The following FAM118A variants were observed in gnomAD, a reference collection of about 807,000 sequenced individuals.
The protein encoded by FAM118A is protein FAM118A.
FAM118A carries 25 observed loss-of-function variants against 38.2 expected under a neutral mutation model. The ratio of observed to expected loss-of-function variants is 0.65; its 90% CI spans 0.48 to 0.91. The LOEUF is 0.91. Among genes scored for constraint, FAM118A ranks in the 40% least tolerant of loss-of-function variants. The pLI, the probability that FAM118A is intolerant of heterozygous loss-of-function variation, is 0.00. For missense variants in FAM118A, 425 were observed against 463.3 expected (o/e 0.92, Z 0.76); for synonymous variants, 178 against 184.1 (o/e 0.97, Z 0.27).
intron 1 of FAM118A, among the ~76,000 whole-genome samples, chr22:45,313,202 G>A (rs1985866575): frequency 6.6e-6 from 1 of 152,144 alleles, no homozygotes; most frequent in Non-Finnish European, 1.5e-5. Flanking sequence ...AAAGCTGTTG[G>A]AGGGGAGACA....
chr22:45,336,115 C>T (rs368075952), intron 7 of FAM118A, among the ~76,000 whole-genome samples: 1 of 152,144 alleles, frequency 6.6e-6, no homozygotes, highest in African/African-American at 2.4e-5. Flanking sequence ...TATTCCCATG[C>T]GAAAGGACAT....
intron 5 of FAM118A, among the ~76,000 whole-genome samples, chr22:45,331,657 C>T (rs2146692986): frequency 6.6e-6 from 1 of 152,344 alleles, no homozygotes; most frequent in Non-Finnish European, 1.5e-5. Flanking sequence ...CCCTGTTCCT[C>T]AGTGCTCATC....
At chr22:45,314,609 G>T (rs1262426045) in intron 1 of FAM118A, among the ~76,000 whole-genome samples, 1 of 152,198 alleles carries the variant, frequency 6.6e-6, no homozygotes, top group African/African-American at 2.4e-5. Context: ...TTAAGATCCT[G>T]CCCGCTCTGA....
intron 7 of FAM118A, among the ~76,000 whole-genome samples, chr22:45,335,883 T>C (rs1248873148): frequency 1.3e-5 from 2 of 152,242 alleles, no homozygotes; most frequent in African/African-American, 4.8e-5. Context: ...CTCCTGTGTG[T>C]GCGCTGGGCA....
intron 8 of FAM118A, among the ~76,000 whole-genome samples, chr22:45,336,726 A>T (rs1602001907): frequency 1.3e-5 from 2 of 152,360 alleles, no homozygotes; most frequent in East Asian, 1.9e-4. Flanking sequence ...TAAAAAGTGC[A>T]CAAGTTACAT....
intron 6 of FAM118A, among the ~76,000 whole-genome samples, chr22:45,334,069 TACTTC>T (rs1289162569): frequency 6.6e-6 from 1 of 152,192 alleles, no homozygotes; most frequent in Non-Finnish European, 1.5e-5. Flanking sequence ...ATGAACACTT[TACTTC>T]TTTTTTCACG....
chr22:45,328,650 A>C, intron 4 of FAM118A: 3 of 578,800 alleles, frequency 5.2e-6, no homozygotes, highest in Non-Finnish European at 9.3e-6. Context: ...AAAAAGTAAT[A>C]ATGGAAAGTG....
At chr22:45,310,906 T>C (rs1361512862) in intron 1 of FAM118A, among the ~76,000 whole-genome samples, 4 of 152,190 alleles carry the variant, frequency 2.6e-5, no homozygotes, top group Non-Finnish European at 4.4e-5. Context: ...CTTAATTTTT[T>C]CATTCAAGGA....
chr22:45,310,353 G>T, intron 1 of FAM118A, among the ~76,000 whole-genome samples, 170 bp downstream of exon 1: 1 of 147,916 alleles, frequency 6.8e-6, no homozygotes, highest in Non-Finnish European at 1.5e-5. Flanking sequence ...CTCCAGGCCC[G>T]CGAACCCCGA....
intron 7 of FAM118A, 84 bp downstream of exon 7, chr22:45,335,466 G>C (rs879153712): frequency 2.0e-6 from 3 of 1,511,820 alleles, no homozygotes; most frequent in African/African-American, 1.4e-5. Context: ...AATCATAAAC[G>C]TTTGTTTTTC....
At chr22:45,330,520 A>G (rs1185497720) in intron 4 of FAM118A, 83 bp from the exon 5 acceptor site, 4 of 1,384,030 alleles carry the variant, frequency 2.9e-6, no homozygotes, top group East Asian at 2.6e-5. Flanking sequence ...TTTAAAAACT[A>G]TGAATCCATT....
intron 1 of FAM118A, among the ~76,000 whole-genome samples, chr22:45,312,603 GGCTGAGGTTGCAATGA>G (rs762235144): frequency 3.3e-5 from 5 of 152,306 alleles, no homozygotes; most frequent in Non-Finnish European, 7.3e-5. Context: ...GAACCCGGAA[GGCTGAGGTTGCAATGA>G]GCTGAGATTT....
chr22:45,316,954 T>C lies in FAM118A; in HGVS notation c.-9-5417T>C, dbSNP rs151016096. On this transcript the variant is annotated intron_variant, in intron 1 of 8. Transcript: ENST00000441876. Reference sequence around the variant, plus strand: ...TGACACCACTCACTCCTGTGTGAGATGGATGTAGTTTGAGCTTATGTTTAC... The same window carrying C: ...TGACACCACTCACTCCTGTGTGAGACGGATGTAGTTTGAGCTTATGTTTAC... Among the ~76,000 whole-genome samples the C allele has an allele frequency of 7.9e-5, 12 of 152,364 alleles. No individual in the cohort carries two copies. The East Asian group carries it at 2.1e-3, about 27-fold the overall frequency.
chr22:45,327,365 T>C (rs1182126488), intron 3 of FAM118A, among the ~76,000 whole-genome samples: 1 of 149,566 alleles, frequency 6.7e-6, no homozygotes, highest in African/African-American at 2.5e-5. Context: ...AAAGCCAGAG[T>C]CTTTACAGTG....
At position 45,326,488 on chromosome 22, in the gene FAM118A, G is replaced by A. The variant is rs552411225; in HGVS notation, c.301-1354G>A. 1.6e-4 allele frequency among the ~76,000 whole-genome samples: 24 copies of A among 152,272 alleles called. 1 individual carries two copies. In the South Asian group the frequency reaches 4.1e-3, roughly 26 times the overall value. ...AGATCACTTGAGGGCAGGAGTTCAA[G>A]ATAAGCCTGGGCAACATAGCGAGAC... is the stretch of plus-strand genomic sequence containing the variant. On this transcript the variant is annotated intron_variant, in intron 3 of 8. Transcript: ENST00000441876.
At chr22:45,339,592 G>C (rs990622155) in intron 8 of FAM118A, among the ~76,000 whole-genome samples, 1 of 152,150 alleles carries the variant, frequency 6.6e-6, no homozygotes, top group African/African-American at 2.4e-5. Context: ...GGTGTTCTGT[G>C]AACTGTTTCC....
chr22:45,334,782 G>A (rs571572881), intron 6 of FAM118A, among the ~76,000 whole-genome samples: 316 of 152,320 alleles, frequency 2.1e-3, no homozygotes, highest in Non-Finnish European at 3.1e-3. Context: ...CGGCCCACAT[G>A]TGTGGCTCTG....
intron 7 of FAM118A, among the ~76,000 whole-genome samples, chr22:45,336,018 C>G (rs767609345): frequency 2.0e-5 from 3 of 152,184 alleles, no homozygotes. Context: ...TGGGAAAACG[C>G]GCATCGATGT....
chr22:45,337,245 A>G (rs187634706), intron 8 of FAM118A, among the ~76,000 whole-genome samples: 2 of 152,196 alleles, frequency 1.3e-5, no homozygotes, highest in Admixed American at 1.3e-4. Context: ...CGAGACCCCC[A>G]GTCTGTCTGT....
Sources: allele counts gnomAD v4.1 joint callset (sites outside exome capture counted in the v4.1 genomes callset), GRCh38; gene constraint gnomAD v4.1.1; transcripts MANE v1.5; gene names NCBI Gene and HGNC (gene_info 2026-07-23, HGNC 2026-07-21).